COL4A4: variants seen among roughly 807,000 people sequenced by gnomAD.
COL4A4 encodes collagen alpha-4(IV) chain.
In COL4A4, 105 loss-of-function variants were observed where a neutral mutation model predicts 192.9. The ratio of observed to expected loss-of-function variants is 0.54; its 90% confidence interval spans 0.46 to 0.64. The LOEUF (loss-of-function observed/expected upper bound fraction) is 0.64, where lower values mean the gene tolerates loss of function less well. Ranked by LOEUF, COL4A4 falls within the 30% of genes least tolerant of loss-of-function variation. COL4A4 has a pLI of 0.00. For missense variants in COL4A4, 1,967 were observed against 2,169.3 expected (o/e 0.91, Z 1.85); for synonymous variants, 762 against 769.9 (o/e 0.99, Z 0.17).
Position 227,022,190 on chromosome 2 carries a change from C to T in COL4A4, c.4091-17G>A, listed in dbSNP as rs374776056. On this transcript the variant is annotated splice_polypyrimidine_tract_variant and intron_variant, in intron 43 of 47. Coordinates refer to ENST00000396625, the MANE Select transcript of COL4A4 (RefSeq NM_000092.5). ...CCGGTTCACCTGAAATTGGAATCAC[C>T]GCTTGTGTAATGGATGCACGTGCTT... The T allele has an allele frequency of 1.8e-5, 29 of 1,613,872 alleles. No homozygotes were observed. The highest frequency in any genetic ancestry group is 6.6e-5 in the South Asian group (6 of 91,084).
At chr2:227,008,395 C>T (rs771641784) in intron 46 of COL4A4, 91 bp from the exon 47 acceptor site, 412 of 1,431,982 alleles carry the variant, frequency 2.9e-4, no homozygotes, top group Non-Finnish European at 3.6e-4. Flanking sequence ...TTTGCAGATA[C>T]GTGTTCTGAA....
At chr2:227,021,802 G>A (rs1450743491) in intron 44 of COL4A4, among the ~76,000 whole-genome samples, 1 of 151,474 alleles carries the variant, frequency 6.6e-6, no homozygotes, top group Non-Finnish European at 1.5e-5. Flanking sequence ...TCCAGCCTGG[G>A]CAACAGAGCA....
At chr2:227,048,618 T>C (rs1973405192) in intron 34 of COL4A4, among the ~76,000 whole-genome samples, 1 of 152,196 alleles carries the variant, frequency 6.6e-6, no homozygotes, top group African/African-American at 2.4e-5. Flanking sequence ...AGGGTTCCTT[T>C]AGCTTTGGCA....
At chr2:227,060,059 G>A (rs960910064) in intron 27 of COL4A4, 77 bp downstream of exon 27, 5 of 877,658 alleles carry the variant, frequency 5.7e-6, no homozygotes, top group Non-Finnish European at 8.6e-6. Flanking sequence ...ATTATCCATC[G>A]GTAGAAATGT....
chr2:227,103,842 C>T, intron 13 of COL4A4, 130 bp downstream of exon 13: 1 of 747,492 alleles, frequency 1.3e-6, no homozygotes, highest in Non-Finnish European at 2.3e-6. Context: ...GTAGTACCAA[C>T]TTATTAAAGT....
chr2:227,069,537 C>G (rs1203928638), intron 25 of COL4A4, among the ~76,000 whole-genome samples: 4 of 151,940 alleles, frequency 2.6e-5, no homozygotes, highest in African/African-American at 9.7e-5. Context: ...ATCAATGGAA[C>G]AGAACAGAGC....
Position 227,119,930 on chromosome 2 carries a change from C to A in COL4A4, c.337G>T (p.Gly113Cys), listed in dbSNP as rs2061688019. Reference sequence around the variant, plus strand: ...TCTAAACCTGGAAATCCAGGAACACCAGTTGGACCCTAAAATCCCAGAAAA... The same window carrying A: ...TCTAAACCTGGAAATCCAGGAACACAAGTTGGACCCTAAAATCCCAGAAAA... ...AGDKGDKGPT[G>C]VPGFPGLDGI... is the part of the protein sequence containing the mutation. Residue 113 changes from glycine to cysteine, a missense_variant, in exon 6 of 48, where the codon GGT becomes TGT. Gly to Cys is a radical substitution (Grantham distance 159, BLOSUM62 -3). Transcript: ENST00000396625. 1.3e-6 allele frequency: 2 copies of A among 1,578,348 alleles called. No homozygotes were observed. Among genetic ancestry groups the A allele is most frequent in the Non-Finnish European group, 1.7e-6 (2 of 1,160,894 alleles).
At chr2:226,996,223 C>T in the COL4A4 span, 5 of 152,420 alleles carry the variant, frequency 3.3e-5, no homozygotes, top group Admixed American at 3.3e-4. Context: ...AGCCCCTTCC[C>T]AGTGGCAGCT....
chr2:227,105,188 ATTTT>A, intron 12 of COL4A4, among the ~76,000 whole-genome samples: 1 of 104,064 alleles, frequency 9.6e-6, no homozygotes, highest in African/African-American at 3.8e-5. Context: ...CAGGATCCTG[ATTTT>A]TTTTTTTTTT....
intron 26 of COL4A4, among the ~76,000 whole-genome samples, chr2:227,060,673 T>G (rs1372723318): frequency 6.6e-6 from 1 of 152,092 alleles, no homozygotes; most frequent in African/African-American, 2.4e-5. Flanking sequence ...TCTTACTGAA[T>G]TTGCCCTTAA....
chr2:227,106,477 C>G (rs1461942241), intron 12 of COL4A4, among the ~76,000 whole-genome samples: 1 of 152,172 alleles, frequency 6.6e-6, no homozygotes. Context: ...GCATAAATAG[C>G]AACCATTTAG....
rs754175083 is a variant in COL4A4 at position 227,077,909 on chromosome 2, A to T, written c.1972T>A (p.Leu658Met). ...TTAAAATTACCTTTCTGACCCTTCAAGCCATCAGGGCCCCTCACACCTGGG... is the reference window on the plus strand; with the variant it reads ...TTAAAATTACCTTTCTGACCCTTCATGCCATCAGGGCCCCTCACACCTGGG... ...GHPGVRGPDG[L>M]KGQKGDTISC... Residue 658 changes from leucine to methionine, a missense_variant, in exon 25 of 48, where the codon TTG becomes ATG. Physicochemically the swap from Leu to Met is conservative, Grantham distance 15. Transcript: ENST00000396625. The T allele has an allele frequency of 1.2e-6, 2 of 1,613,256 alleles. No homozygotes were observed. The highest frequency in any genetic ancestry group is 1.7e-6 in the Non-Finnish European group (2 of 1,179,984).
At chr2:227,115,420 A>G (rs182248472) in intron 7 of COL4A4, among the ~76,000 whole-genome samples, 5,212 of 151,718 alleles carry the variant, frequency 0.034, 295 homozygotes, top group African/African-American at 0.12. Context: ...ACAGGCACCC[A>G]CCACCGTGCC....
intron 34 of COL4A4, 25 bp downstream of exon 34, chr2:227,050,043 T>TGG (rs1973747375): frequency 6.2e-7 from 1 of 1,606,374 alleles, no homozygotes; most frequent in Non-Finnish European, 8.5e-7. Context: ...ATTTGACAGA[T>TGG]GGCTTCTGTA....
intron 4 of COL4A4, among the ~76,000 whole-genome samples, chr2:227,129,491 C>T (rs1010323478): frequency 4.6e-5 from 7 of 150,998 alleles, no homozygotes; most frequent in Non-Finnish European, 1.0e-4. Flanking sequence ...CTCACTGCAA[C>T]CTCTGCCTCC....
chr2:227,025,279 A>G (rs1966776966), intron 43 of COL4A4, among the ~76,000 whole-genome samples: 1 of 152,212 alleles, frequency 6.6e-6, no homozygotes, highest in African/African-American at 2.4e-5. Flanking sequence ...GCACAAAATA[A>G]CACATTGTTT....
chr2:227,047,394 C>T (rs955437802), intron 35 of COL4A4, 81 bp downstream of exon 35: 9 of 993,630 alleles, frequency 9.1e-6, no homozygotes, highest in Non-Finnish European at 1.4e-5. Context: ...TTGATACGAT[C>T]ATTGCCAGCT....
intron 20 of COL4A4, among the ~76,000 whole-genome samples, chr2:227,093,141 A>G (rs1037194116): frequency 2.0e-5 from 3 of 152,028 alleles, no homozygotes; most frequent in African/African-American, 7.2e-5. Flanking sequence ...GACCTAAATA[A>G]CTTCACCTTG....
intron 37 of COL4A4, among the ~76,000 whole-genome samples, chr2:227,041,604 G>T (rs1970848701): frequency 6.7e-6 from 1 of 148,802 alleles, no homozygotes; most frequent in African/African-American, 2.5e-5. Flanking sequence ...ACGCGTCACT[G>T]TACTCCAGCC....
Sources: allele counts gnomAD v4.1 joint callset (sites outside exome capture counted in the v4.1 genomes callset), GRCh38; gene constraint gnomAD v4.1.1; transcripts MANE v1.5; gene names NCBI Gene and HGNC (gene_info 2026-07-23, HGNC 2026-07-21).